The following SLCO6A1 variants were observed in gnomAD, a reference collection of about 807,000 sequenced individuals.
The protein encoded by SLCO6A1 is cancer/testis antigen 48.
In SLCO6A1, 65 loss-of-function variants were observed where a neutral mutation model predicts 72.7. The ratio of observed to expected loss-of-function variants is 0.89; its 90% CI spans 0.73 to 1.10. The LOEUF is 1.10. Among genes scored for constraint, SLCO6A1 ranks in the 50% least tolerant of loss-of-function variants. The pLI is 0.00. For missense variants in SLCO6A1, 874 were observed against 872.6 expected, an observed-to-expected ratio of 1.00 and a Z score of -0.02; for synonymous variants, 314 against 298.2, an observed-to-expected ratio of 1.05 and a Z score of -0.55.
intron 8 of SLCO6A1, among the ~76,000 whole-genome samples, chr5:102,416,903 C>T (rs1414539316): frequency 6.6e-6 from 1 of 152,090 alleles, no homozygotes; most frequent in Non-Finnish European, 1.5e-5. Flanking sequence ...ATTTTTTGAT[C>T]TACTTCTGAC....
intron 10 of SLCO6A1, among the ~76,000 whole-genome samples, chr5:102,395,110 T>C (rs1242873452): frequency 2.0e-5 from 3 of 152,160 alleles, no homozygotes; most frequent in African/African-American, 4.8e-5. Flanking sequence ...TACATATATA[T>C]ATATGTGTCA....
chr5:102,412,953 T>C (rs1433304169), intron 9 of SLCO6A1, 37 bp downstream of exon 9: 2 of 914,904 alleles, frequency 2.2e-6, no homozygotes, highest in East Asian at 6.9e-5. Context: ...AAAATATAAA[T>C]GTATAACAAA....
chr5:102,421,663 C>T (rs2112619750), intron 7 of SLCO6A1, among the ~76,000 whole-genome samples: 1 of 152,292 alleles, frequency 6.6e-6, no homozygotes, highest in Middle Eastern at 3.4e-3. Context: ...TGGGACAGAG[C>T]ACCTGGGGGA....
Position 102,480,448 on chromosome 5 carries a change from A to T in SLCO6A1, c.359-14T>A. On this transcript the variant is annotated splice_polypyrimidine_tract_variant and intron_variant, in intron 1 of 13. Coordinates refer to ENST00000506729, the MANE Select transcript of SLCO6A1 (RefSeq NM_173488.5). ...CAAACACCACACCTAAAATGTAAAA[A>T]GAAAAAGAGAAAACAACGATATGCA... 1.3e-6 allele frequency: 2 copies of T among 1,589,156 alleles called. No individual in the cohort carries two copies. The highest frequency in any genetic ancestry group is 1.7e-6 in the Non-Finnish European group (2 of 1,170,852).
intron 1 of SLCO6A1, among the ~76,000 whole-genome samples, chr5:102,492,752 C>T (rs1228574482): frequency 6.6e-6 from 1 of 152,216 alleles, no homozygotes; most frequent in Non-Finnish European, 1.5e-5. Flanking sequence ...CCGCTCCTGG[C>T]TCAGAGGGTC....
chr5:102,486,709 G>A (rs1169900136), intron 1 of SLCO6A1, among the ~76,000 whole-genome samples: 1 of 152,028 alleles, frequency 6.6e-6, no homozygotes, highest in Non-Finnish European at 1.5e-5. Context: ...AATTGTTTGT[G>A]TACCAATTCC....
intron 6 of SLCO6A1, among the ~76,000 whole-genome samples, chr5:102,445,997 A>T (rs1750089792): frequency 6.6e-6 from 1 of 152,108 alleles, no homozygotes; most frequent in South Asian, 2.1e-4. Context: ...GGGTAGTGGC[A>T]TCCTCCAGCT....
rs111538605 is a variant in SLCO6A1 at position 102,386,856 on chromosome 5, A to G, written c.2017+1832T>C. 5.7e-3 allele frequency among the ~76,000 whole-genome samples: 875 copies of G among 152,320 alleles called. 5 individuals carry two copies. The highest frequency in any genetic ancestry group is 0.02 in the African/African-American group (828 of 41,584). On this transcript the variant is annotated intron_variant, in intron 12 of 13. Transcript: ENST00000506729. ...CTGAGACAGACTTGGTTTCGAGTCAATGGCAATCAGGTTCTTGCTTAGAGT... is the reference window on the plus strand; with the variant it reads ...CTGAGACAGACTTGGTTTCGAGTCAGTGGCAATCAGGTTCTTGCTTAGAGT...
intron 1 of SLCO6A1, among the ~76,000 whole-genome samples, chr5:102,495,973 A>T (rs181081211): frequency 3.9e-5 from 6 of 152,388 alleles, no homozygotes. Context: ...TTAATGCAAC[A>T]TATGTTCCTG....
At chr5:102,437,656 CT>C (rs1749616274) in intron 7 of SLCO6A1, among the ~76,000 whole-genome samples, 1 of 152,076 alleles carries the variant, frequency 6.6e-6, no homozygotes, top group Non-Finnish European at 1.5e-5. Context: ...TCAGACAAGC[CT>C]TTTATAAAAA....
intron 10 of SLCO6A1, among the ~76,000 whole-genome samples, chr5:102,395,259 C>T (rs931304524): frequency 6.6e-6 from 1 of 150,770 alleles, no homozygotes; most frequent in African/African-American, 2.4e-5. Flanking sequence ...TCTCATTGTT[C>T]AATTCCCACC....
intron 12 of SLCO6A1, among the ~76,000 whole-genome samples, chr5:102,380,016 G>A (rs957370962): frequency 3.3e-5 from 5 of 151,484 alleles, no homozygotes; most frequent in African/African-American, 1.2e-4. Flanking sequence ...TTTTAATTTG[G>A]TTGCATCTGG....
chr5:102,463,346 A>G (rs1326567774), intron 4 of SLCO6A1, among the ~76,000 whole-genome samples: 11 of 152,220 alleles, frequency 7.2e-5, no homozygotes, highest in Admixed American at 7.2e-4. Flanking sequence ...TACGATCACT[A>G]TGGAAAACAG....
At chr5:102,491,549 A>G (rs1312606910) in intron 1 of SLCO6A1, among the ~76,000 whole-genome samples, 1 of 152,194 alleles carries the variant, frequency 6.6e-6, no homozygotes, top group Non-Finnish European at 1.5e-5. Flanking sequence ...GGAGGCAGCT[A>G]AGGCCCCGCG....
intron 1 of SLCO6A1, among the ~76,000 whole-genome samples, chr5:102,482,240 GAGAA>G (rs750644547): frequency 3.3e-5 from 5 of 152,068 alleles, no homozygotes; most frequent in South Asian, 2.1e-4. Flanking sequence ...TAGGAAAGGA[GAGAA>G]AGAGAGAAAA....
At chr5:102,449,631 C>T (rs1028682472) in intron 6 of SLCO6A1, among the ~76,000 whole-genome samples, 1 of 152,118 alleles carries the variant, frequency 6.6e-6, no homozygotes, top group African/African-American at 2.4e-5. Context: ...CGTGATCCGC[C>T]CGCCTCGGCC....
chr5:102,419,320 C>T (rs1444222425), intron 8 of SLCO6A1, among the ~76,000 whole-genome samples: 1 of 152,176 alleles, frequency 6.6e-6, no homozygotes, highest in African/African-American at 2.4e-5. Context: ...TTTACTTGTT[C>T]AGTCCTTTGG....
chr5:102,462,879 T>C (rs1751113547), intron 4 of SLCO6A1, among the ~76,000 whole-genome samples: 1 of 152,228 alleles, frequency 6.6e-6, no homozygotes, highest in Admixed American at 6.5e-5. Context: ...AAAGAGTTAA[T>C]GAACAAGAAT....
intron 6 of SLCO6A1, among the ~76,000 whole-genome samples, chr5:102,455,027 T>TATATATATACACATAA (rs144619414): frequency 1.4e-5 from 2 of 141,830 alleles, no homozygotes; most frequent in Admixed American, 7.0e-5. Flanking sequence ...TATATATATA[T>TATATATATACACATAA]AAATTATGTT....
Sources: gnomAD v4.1 joint callset for allele counts (sites outside exome capture counted in the v4.1 genomes callset) on GRCh38, gnomAD v4.1.1 for gene constraint, MANE v1.5 for transcripts, NCBI Gene and HGNC (gene_info 2026-07-23, HGNC 2026-07-21) for gene names.